PCDHA11: variants seen among roughly 807,000 people sequenced by gnomAD.
PCDHA11 encodes protocadherin alpha 11, also known as protocadherin alpha-11.
A neutral mutation model predicts 70.3 loss-of-function variants in PCDHA11; 61 were observed. That is an observed-to-expected ratio of 0.87 (90% CI 0.71 to 1.07). The LOEUF (loss-of-function observed/expected upper bound fraction) is 1.07, where lower values mean the gene tolerates loss of function less well. Ranked by LOEUF, PCDHA11 falls within the 50% of genes least tolerant of loss-of-function variation. PCDHA11 has a pLI of 0.00. For missense variants in PCDHA11, 1,324 were observed against 1,237.5 expected (o/e 1.07, Z -1.05); for synonymous variants, 633 against 555.1 (o/e 1.14, Z -1.97).
chr5:140,887,239 G>A (rs1248062448), intron 1 of PCDHA11, among the ~76,000 whole-genome samples: 2 of 151,736 alleles, frequency 1.3e-5, no homozygotes, highest in Admixed American at 6.6e-5. Context: ...TGAGACTACC[G>A]GCGCCCGCCA....
chr5:140,939,565 A>G (rs560033193), intron 1 of PCDHA11, among the ~76,000 whole-genome samples: 24 of 152,096 alleles, frequency 1.6e-4, no homozygotes, highest in African/African-American at 5.8e-4. Flanking sequence ...TAGTTTGGTT[A>G]ATCAAAATGG....
intron 1 of PCDHA11, among the ~76,000 whole-genome samples, chr5:140,902,203 C>CTTTT (rs148688132): frequency 2.0e-4 from 25 of 124,426 alleles, no homozygotes; most frequent in African/African-American, 2.5e-4. Flanking sequence ...CTCTCTCTTT[C>CTTTT]TTTTTTTTTT....
chr5:141,008,400 T>A (rs1347375750), intron 3 of PCDHA11, among the ~76,000 whole-genome samples: 3 of 152,082 alleles, frequency 2.0e-5, no homozygotes, highest in African/African-American at 7.2e-5. Context: ...GATGTCAGAG[T>A]TCCAATGTCA....
In PCDHA11 at chr5:140,879,581, G is replaced by A. The variant is rs537126502; in HGVS notation, c.2391+8087G>A. On this transcript the variant is annotated intron_variant, in intron 1 of 3. Transcript: ENST00000398640. ...ATGAAAGAATAAAATTGCCAAGACA[G>A]ACATTGAAAAGTGAAAAACAATGTG... Among the ~76,000 whole-genome samples the A allele has an allele frequency of 2.6e-5, 4 of 152,334 alleles. No individual in the cohort carries two copies. In the East Asian group the frequency reaches 7.7e-4, roughly 29 times the overall value.
At chr5:140,948,018 T>A (rs1308826509) in intron 1 of PCDHA11, among the ~76,000 whole-genome samples, 1 of 151,290 alleles carries the variant, frequency 6.6e-6, no homozygotes, top group Non-Finnish European at 1.5e-5. Context: ...GAAGTACCCT[T>A]TCTGGTTTGC....
chr5:140,966,712 TG>T, intron 1 of PCDHA11: 1 of 1,392,090 alleles, frequency 7.2e-7, no homozygotes, highest in South Asian at 1.6e-5. Context: ...GGGGCACGGC[TG>T]GGGAAGCTGC....
At chr5:140,945,790 T>C (rs1340396620) in intron 1 of PCDHA11, among the ~76,000 whole-genome samples, 2 of 152,010 alleles carry the variant, frequency 1.3e-5, no homozygotes, top group South Asian at 2.1e-4. Context: ...TGCAGAAAAA[T>C]GAAACTAGAC....
In PCDHA11 at chr5:140,888,521, C is replaced by T. The variant is rs191011552; in HGVS notation, c.2391+17027C>T. ...TAAAGAGTCTTGGACTTAGTTCTGACGTGAAGTTAAGTTGCTCAGTACCAA... is the reference window on the plus strand; with the variant it reads ...TAAAGAGTCTTGGACTTAGTTCTGATGTGAAGTTAAGTTGCTCAGTACCAA... On this transcript the variant is annotated intron_variant, in intron 1 of 3. Transcript: ENST00000398640. Among the ~76,000 whole-genome samples, 432 of 152,260 alleles carry T rather than the reference C, an allele frequency of 2.8e-3. 2 individuals carry two copies. The highest frequency in any genetic ancestry group is 0.014 in the Middle Eastern group (4 of 292).
intron 1 of PCDHA11, chr5:140,878,010 A>G: frequency 2.4e-6 from 2 of 839,980 alleles, no homozygotes; most frequent in Non-Finnish European, 3.4e-6. Flanking sequence ...GTCTAACATT[A>G]ATGAAGGAAA....
chr5:140,870,518 A>G lies in PCDHA11; in HGVS notation c.1415A>G (p.His472Arg). 1 of 1,614,230 alleles carries G rather than the reference A, an allele frequency of 6.2e-7. No homozygotes were observed. The highest frequency in any genetic ancestry group is 1.7e-5 in the Admixed American group (1 of 60,036). Reference sequence around the variant, plus strand: ...AAGGAGAACAACCCACCAGGCTGCCACATCTTCACAGTGTCGGCGCGGGAC... The same window carrying G: ...AAGGAGAACAACCCACCAGGCTGCCGCATCTTCACAGTGTCGGCGCGGGAC... ...FVKENNPPGC[H>R]IFTVSARDAD... Residue 472 changes from histidine (H) to arginine (R), a missense_variant, in exon 1 of 4, where the codon CAC (histidine) becomes CGC (arginine). Coordinates refer to ENST00000398640, the MANE Select transcript of PCDHA11 (RefSeq NM_018902.5).
At chr5:140,904,729 TA>T (rs1313627737) in intron 1 of PCDHA11, among the ~76,000 whole-genome samples, 4 of 152,162 alleles carry the variant, frequency 2.6e-5, no homozygotes, top group East Asian at 1.9e-4. Context: ...CAACATCTAT[TA>T]TTTTTTTATT....
At chr5:140,964,222 A>G (rs2095818106) in intron 1 of PCDHA11, among the ~76,000 whole-genome samples, 1 of 152,254 alleles carries the variant, frequency 6.6e-6, no homozygotes, top group African/African-American at 2.4e-5. Flanking sequence ...AATGTCTTTC[A>G]AAATGAGGCT....
At chr5:141,000,757 C>A (rs1236279352) in intron 3 of PCDHA11, among the ~76,000 whole-genome samples, 1 of 151,158 alleles carries the variant, frequency 6.6e-6, no homozygotes, top group Non-Finnish European at 1.5e-5. Flanking sequence ...AAAAAAAAAT[C>A]TTAGCCAGGC....
chr5:140,973,850 T>G (rs767532771), intron 1 of PCDHA11, among the ~76,000 whole-genome samples: 25 of 152,176 alleles, frequency 1.6e-4, no homozygotes, highest in Admixed American at 5.2e-4. Flanking sequence ...TGCCTACCAA[T>G]TTTTGCTCTC....
intron 3 of PCDHA11, among the ~76,000 whole-genome samples, chr5:140,994,387 C>T (rs192635308): frequency 1.3e-5 from 2 of 152,174 alleles, no homozygotes; most frequent in East Asian, 1.9e-4. Context: ...GGGACTAAGT[C>T]AGAGATTATT....
At chr5:140,989,174 G>T (rs1305141291) in intron 3 of PCDHA11, among the ~76,000 whole-genome samples, 3 of 152,132 alleles carry the variant, frequency 2.0e-5, no homozygotes, top group Non-Finnish European at 4.4e-5. Flanking sequence ...TAAAACAGGA[G>T]AGTTTCTGAA....
chr5:140,951,149 T>C (rs911841540), intron 1 of PCDHA11, among the ~76,000 whole-genome samples: 8 of 100,620 alleles, frequency 8.0e-5, no homozygotes, highest in African/African-American at 3.8e-4. Context: ...TCTTATTGAA[T>C]ATAGTTATAG....
intron 3 of PCDHA11, among the ~76,000 whole-genome samples, chr5:141,003,475 G>A (rs934289848): frequency 2.0e-5 from 3 of 151,932 alleles, no homozygotes; most frequent in Non-Finnish European, 2.9e-5. Flanking sequence ...CCACAGTCTC[G>A]CTAATTTTTA....
chr5:140,970,373 C>T (rs1554232421), intron 1 of PCDHA11, among the ~76,000 whole-genome samples: 2 of 152,250 alleles, frequency 1.3e-5, no homozygotes, highest in East Asian at 1.9e-4. Context: ...GCTATAGCTT[C>T]AAAAGGCTGG....
Sources: allele counts gnomAD v4.1 joint callset (sites outside exome capture counted in the v4.1 genomes callset), GRCh38; gene constraint gnomAD v4.1.1; transcripts MANE v1.5; gene names NCBI Gene and HGNC (gene_info 2026-07-23, HGNC 2026-07-21).